RALGAPB: variants seen among roughly 807,000 people sequenced by gnomAD.
RALGAPB encodes the protein ral GTPase-activating protein subunit beta.
Under a neutral mutation model 161.1 loss-of-function variants are expected in RALGAPB, and 25 were observed. The ratio of observed to expected loss-of-function variants is 0.16; its 90% CI spans 0.11 to 0.22. The LOEUF (loss-of-function observed/expected upper bound fraction) is 0.22, where lower values mean the gene tolerates loss of function less well. Ranked by LOEUF, RALGAPB falls within the 10% of genes least tolerant of loss-of-function variation. The pLI is 1.00. For missense variants in RALGAPB, 1,391 were observed against 1,815.2 expected (o/e 0.77, Z 4.25); for synonymous variants, 629 against 626.1 (o/e 1.00, Z -0.07).
At position 38,526,056 on chromosome 20, in the gene RALGAPB, C is replaced by T. The variant is rs370825849; in HGVS notation, c.2050+14C>T. ...AAATGATATTAGGTTTGTATTCACA[C>T]GTTATTTTGTAAGTGAAACCAAAGT... On this transcript the variant is annotated intron_variant, in intron 13 of 29. Transcript: ENST00000262879. 3.3e-5 allele frequency: 54 copies of T among 1,612,826 alleles called. No homozygotes were observed. The highest frequency in any genetic ancestry group is 4.2e-5 in the Non-Finnish European group (49 of 1,179,576).
chr20:38,549,509 G>A (rs1030873244), intron 20 of RALGAPB, among the ~76,000 whole-genome samples: 2 of 148,082 alleles, frequency 1.4e-5, no homozygotes, highest in Admixed American at 6.8e-5. Flanking sequence ...GATTACAGAT[G>A]TGAGCTGTCA....
At chr20:38,475,303 G>A (rs2084772265) in intron 1 of RALGAPB, among the ~76,000 whole-genome samples, 1 of 152,220 alleles carries the variant, frequency 6.6e-6, no homozygotes, top group Non-Finnish European at 1.5e-5. Flanking sequence ...AGGACGTTAA[G>A]TACTTAATGA....
At chr20:38,505,749 C>T (rs914312228) in intron 5 of RALGAPB, among the ~76,000 whole-genome samples, 6 of 152,078 alleles carry the variant, frequency 3.9e-5, no homozygotes, top group South Asian at 2.1e-4. Context: ...ACCAAAAAAA[C>T]GTGCATGCCT....
At position 38,577,073 on chromosome 20, in the gene RALGAPB, C is replaced by T. The variant is rs2088465042; in HGVS notation, c.*2106C>T. 6.6e-6 allele frequency: 1 copy of T among 152,208 alleles called. No homozygotes were observed. Among genetic ancestry groups the T allele is most frequent in the Non-Finnish European group, 1.5e-5 (1 of 68,044 alleles). 9.4% of individuals were successfully genotyped at this position (152,208 alleles called of 1,614,324 possible). A position where few individuals can be genotyped will look rare whatever the true frequency, so the allele number is the denominator to read the frequency against. ...GCATTTGTGATCTGGGAGACTTCCT[C>T]GTCTTCCAGGGAAGGAAGGATGTGC... On this transcript the variant is annotated 3_prime_UTR_variant, in exon 30 of 30. Coordinates refer to ENST00000262879, the MANE Select transcript of RALGAPB (RefSeq NM_020336.4).
chr20:38,573,889 A>G (rs1659061252), intron 28 of RALGAPB: 1 of 252,118 alleles, frequency 4.0e-6, no homozygotes, highest in South Asian at 1.4e-4. Context: ...TTCCAAGCAT[A>G]TATATTTTTT....
chr20:38,548,325 A>G (rs1601015740), intron 19 of RALGAPB, among the ~76,000 whole-genome samples: 1 of 152,244 alleles, frequency 6.6e-6, no homozygotes, highest in Admixed American at 6.5e-5. Flanking sequence ...AGTATTTACT[A>G]GGACAGTGTT....
chr20:38,502,852 C>T (rs537108343), intron 5 of RALGAPB, among the ~76,000 whole-genome samples: 10 of 152,288 alleles, frequency 6.6e-5, no homozygotes, highest in African/African-American at 2.4e-4. Flanking sequence ...TGAGCCGCCC[C>T]ACCTCTGCCT....
intron 1 of RALGAPB, among the ~76,000 whole-genome samples, chr20:38,483,852 A>T (rs1305599047): frequency 6.6e-6 from 1 of 152,110 alleles, no homozygotes; most frequent in Non-Finnish European, 1.5e-5. Flanking sequence ...GTTGCTTTGG[A>T]TAGCCTAAGC....
intron 1 of RALGAPB, among the ~76,000 whole-genome samples, chr20:38,480,760 C>G (rs1315848): frequency 9.7e-6 from 1 of 103,392 alleles, no homozygotes. Flanking sequence ...TTTTTTGAGA[C>G]GGAGTCTCGC....
rs1178987872 is a variant in RALGAPB at position 38,564,406 on chromosome 20, AAAGCTT to A, written c.3698-952_3698-947del. On this transcript the variant is annotated intron_variant, in intron 24 of 29. Transcript: ENST00000262879. ...GAAAAAGTTTGCTAACCTCTTGTCTAAAGCTTCCTATTTGCCATACCTTCACCAGAA... is the reference window on the plus strand; with the variant it reads ...GAAAAAGTTTGCTAACCTCTTGTCTACCTATTTGCCATACCTTCACCAGAA... 2.0e-4 allele frequency among the ~76,000 whole-genome samples: 31 copies of A among 152,318 alleles called. No homozygotes were observed. In the East Asian group the frequency reaches 5.8e-3, roughly 28 times the overall value.
intron 13 of RALGAPB, among the ~76,000 whole-genome samples, chr20:38,528,345 T>TTTATTTATTTA (rs2086535624): frequency 6.8e-6 from 1 of 147,266 alleles, no homozygotes; most frequent in African/African-American, 2.5e-5. Context: ...TTCATTTTAT[T>TTTATTTATTTA]TTTATTTATT....
intron 9 of RALGAPB, chr20:38,520,288 C>T (rs1168519169): frequency 1.1e-6 from 1 of 871,050 alleles, no homozygotes; most frequent in African/African-American, 1.8e-5. Context: ...AAGTAGGAAC[C>T]AGAAGCTTCT....
chr20:38,546,167 G>A, intron 18 of RALGAPB, 76 bp from the exon 19 acceptor site: 3 of 1,597,276 alleles, frequency 1.9e-6, no homozygotes, highest in Non-Finnish European at 2.6e-6. Flanking sequence ...AAGAGTGGAA[G>A]GGGACACATT....
chr20:38,539,241 G>A (rs546584475), intron 16 of RALGAPB, among the ~76,000 whole-genome samples: 121 of 152,296 alleles, frequency 7.9e-4, no homozygotes, highest in Non-Finnish European at 1.4e-3. Flanking sequence ...TAGGGAGAGG[G>A]GCAAAGAGGA....
intron 21 of RALGAPB, among the ~76,000 whole-genome samples, chr20:38,551,657 T>A (rs6092685): frequency 0.02 from 2,979 of 152,310 alleles, 104 homozygotes; most frequent in African/African-American, 0.067. Flanking sequence ...AGCCAAAGAA[T>A]TTCAGATTTT....
chr20:38,527,447 G>GT (rs1568943687), intron 13 of RALGAPB, among the ~76,000 whole-genome samples: 2 of 152,144 alleles, frequency 1.3e-5, no homozygotes. Context: ...TTAGGGTTTC[G>GT]TAAGTCTCAA....
intron 1 of RALGAPB, among the ~76,000 whole-genome samples, chr20:38,486,023 G>A (rs910562154): frequency 7.6e-6 from 1 of 131,530 alleles, no homozygotes; most frequent in African/African-American, 2.9e-5. Flanking sequence ...AGGCTGGGGT[G>A]CAATGGCACC....
chr20:38,567,495 GC>G (rs1191142480), intron 26 of RALGAPB, among the ~76,000 whole-genome samples: 1 of 152,030 alleles, frequency 6.6e-6, no homozygotes, highest in Non-Finnish European at 1.5e-5. Flanking sequence ...TCCTTTTTAA[GC>G]CTAGGTTTTA....
At chr20:38,519,285 A>G (rs967528824) in intron 9 of RALGAPB, among the ~76,000 whole-genome samples, 110 of 152,198 alleles carry the variant, frequency 7.2e-4, no homozygotes, top group African/African-American at 2.5e-3. Flanking sequence ...AAAAATGACT[A>G]TTGGGTTATT....
Sources: gnomAD v4.1 joint callset for allele counts (sites outside exome capture counted in the v4.1 genomes callset) on GRCh38, gnomAD v4.1.1 for gene constraint, MANE v1.5 for transcripts, NCBI Gene and HGNC (gene_info 2026-07-23, HGNC 2026-07-21) for gene names.